Variants in DSCAM observed in about 807,000 individuals in gnomAD.
The protein encoded by DSCAM is cell adhesion molecule DSCAM.
In DSCAM, 47 loss-of-function variants were observed where a neutral mutation model predicts 217.7. The observed-to-expected ratio is 0.22, with a 90% CI of 0.17 to 0.28. The LOEUF is 0.28. Ranked by LOEUF, DSCAM falls within the 10% of genes least tolerant of loss-of-function variation. The probability of loss-of-function intolerance (pLI) is 1.00; values close to 1 mark genes in which losing one functional copy is unlikely to be tolerated. For synonymous variants in DSCAM, 1,056 were observed against 1,015.3 expected (o/e 1.04, Z -0.76); for missense variants, 2,080 against 2,618.3 (o/e 0.79, Z 4.49).
At chr21:40,620,799 C>T (rs1415953604) in intron 3 of DSCAM, among the ~76,000 whole-genome samples, 2 of 152,194 alleles carry the variant, frequency 1.3e-5, no homozygotes, top group East Asian at 1.9e-4. Flanking sequence ...TGTAAATGAA[C>T]GTTTCTACTG....
chr21:40,776,573 G>C (rs764396549), intron 1 of DSCAM, among the ~76,000 whole-genome samples: 1 of 152,162 alleles, frequency 6.6e-6, no homozygotes, highest in Non-Finnish European at 1.5e-5. Context: ...TGCAGACAGA[G>C]AGCATATGAT....
At chr21:40,669,672 G>A (rs1272049998) in intron 3 of DSCAM, among the ~76,000 whole-genome samples, 3 of 149,926 alleles carry the variant, frequency 2.0e-5, no homozygotes, top group African/African-American at 4.9e-5. Flanking sequence ...TCCATCTCCC[G>A]GGCTCAAGCA....
intron 1 of DSCAM, among the ~76,000 whole-genome samples, chr21:40,722,475 T>C: frequency 6.6e-6 from 1 of 152,134 alleles, no homozygotes; most frequent in Non-Finnish European, 1.5e-5. Context: ...ACTTTGAAGA[T>C]GGACATTGTA....
chr21:40,305,565 T>C (rs1181265121), intron 9 of DSCAM, among the ~76,000 whole-genome samples: 1 of 152,188 alleles, frequency 6.6e-6, no homozygotes, highest in African/African-American at 2.4e-5. Flanking sequence ...AGGGTTTTTA[T>C]GGTTTTAGGT....
chr21:40,041,782 T>C (rs1331256409), intron 32 of DSCAM, among the ~76,000 whole-genome samples: 3 of 152,170 alleles, frequency 2.0e-5, no homozygotes, highest in Non-Finnish European at 2.9e-5. Context: ...ACTGACTATA[T>C]AGTAAGACCT....
At chr21:40,226,971 G>T (rs1569010855) in intron 11 of DSCAM, among the ~76,000 whole-genome samples, 1 of 152,032 alleles carries the variant, frequency 6.6e-6, no homozygotes, top group South Asian at 2.1e-4. Context: ...TCCTCATATA[G>T]TTCCCACTTG....
At chr21:40,552,000 A>T (rs2076633771) in intron 3 of DSCAM, among the ~76,000 whole-genome samples, 1 of 152,132 alleles carries the variant, frequency 6.6e-6, no homozygotes, top group Non-Finnish European at 1.5e-5. Flanking sequence ...ATGTAAAGAG[A>T]TAAACTCAGA....
At chr21:40,273,563 C>A (rs527458246) in intron 11 of DSCAM, among the ~76,000 whole-genome samples, 16 of 152,314 alleles carry the variant, frequency 1.1e-4, no homozygotes, top group African/African-American at 3.6e-4. Context: ...CCCTATCTAG[C>A]CTCAACAGTC....
chr21:40,501,781 A>G (rs900026471), intron 3 of DSCAM, among the ~76,000 whole-genome samples: 2 of 152,144 alleles, frequency 1.3e-5, no homozygotes, highest in Non-Finnish European at 2.9e-5. Flanking sequence ...TAGTAGAGAC[A>G]GGGTTTCACC....
intron 11 of DSCAM, among the ~76,000 whole-genome samples, chr21:40,197,814 T>C (rs758752652): frequency 3.3e-5 from 5 of 152,182 alleles, no homozygotes; most frequent in Admixed American, 3.3e-4. Context: ...TACCTATAAT[T>C]ACCTAGGATG....
At position 40,347,704 on chromosome 21, in the gene DSCAM, C is replaced by T; in HGVS notation, c.1176G>A (p.Leu392=). Residue 392 remains leucine (L), a synonymous_variant, in exon 6 of 33, where the codon CTG becomes CTA. Transcript: ENST00000400454. Reference sequence around the variant, plus strand: ...CCACCTGCACATAGTCTTGAGCGGACAGCTTGTCCTTGCGCACAAAGCACT... The same window carrying T: ...CCACCTGCACATAGTCTTGAGCGGATAGCTTGTCCTTGCGCACAAAGCACT... ...AYQCFVRKDK[L]SAQDYVQVVL... is the part of the protein sequence containing the mutation. The T allele has an allele frequency of 6.2e-7, 1 of 1,614,108 alleles. No homozygotes were observed. The highest frequency in any genetic ancestry group is 8.5e-7 in the Non-Finnish European group (1 of 1,180,018).
intron 3 of DSCAM, among the ~76,000 whole-genome samples, chr21:40,642,507 G>A (rs2089895313): frequency 6.6e-6 from 1 of 152,178 alleles, no homozygotes; most frequent in East Asian, 1.9e-4. Flanking sequence ...AGTTACAGGA[G>A]TTTTTGGTTC....
chr21:40,791,409 C>T (rs950168684), intron 1 of DSCAM, among the ~76,000 whole-genome samples: 1 of 152,128 alleles, frequency 6.6e-6, no homozygotes, highest in African/African-American at 2.4e-5. Context: ...AATCCCAGCA[C>T]TTTGGGAGGC....
At chr21:40,069,629 C>G (rs1440039046) in intron 27 of DSCAM, among the ~76,000 whole-genome samples, 2 of 152,202 alleles carry the variant, frequency 1.3e-5, no homozygotes, top group Non-Finnish European at 2.9e-5. Flanking sequence ...ACTGGGCAGT[C>G]ACTTGCAGAT....
At chr21:40,696,459 G>A (rs2090596188) in intron 2 of DSCAM, among the ~76,000 whole-genome samples, 1 of 152,200 alleles carries the variant, frequency 6.6e-6, no homozygotes, top group Non-Finnish European at 1.5e-5. Context: ...TCATGCAGAG[G>A]AGCTGGGATC....
chr21:40,756,114 G>A (rs887548923), intron 1 of DSCAM, among the ~76,000 whole-genome samples: 2 of 152,168 alleles, frequency 1.3e-5, no homozygotes, highest in Non-Finnish European at 2.9e-5. Context: ...TGAATCATGG[G>A]GGTGGATTTC....
At chr21:40,200,016 C>CTTTTTTT in intron 11 of DSCAM, among the ~76,000 whole-genome samples, 1 of 135,208 alleles carries the variant, frequency 7.4e-6, no homozygotes, top group African/African-American at 2.8e-5. Flanking sequence ...CCTCAGGATT[C>CTTTTTTT]TTTTTTTTTT....
chr21:40,730,083 G>A (rs2090997628), intron 1 of DSCAM, among the ~76,000 whole-genome samples: 1 of 152,110 alleles, frequency 6.6e-6, no homozygotes, highest in Non-Finnish European at 1.5e-5. Flanking sequence ...GGGCTTCACC[G>A]AGCAGAAACC....
chr21:40,333,678 T>C (rs2074399887), intron 8 of DSCAM, among the ~76,000 whole-genome samples: 1 of 152,244 alleles, frequency 6.6e-6, no homozygotes. Context: ...TCAGAAGTCA[T>C]TTTATTTAAG....
Sources: gnomAD v4.1 joint callset for allele counts (sites outside exome capture counted in the v4.1 genomes callset) on GRCh38, gnomAD v4.1.1 for gene constraint, MANE v1.5 for transcripts, NCBI Gene and HGNC (gene_info 2026-07-23, HGNC 2026-07-21) for gene names.